The following MALRD1 variants were observed in gnomAD, a reference collection of about 807,000 sequenced individuals.
MALRD1 encodes the protein MAM and LDL receptor class A domain containing 1.
In MALRD1, 247 loss-of-function variants were observed where a neutral mutation model predicts 242.1. The observed-to-expected ratio is 1.02, with a 90% confidence interval of 0.92 to 1.13. The LOEUF is 1.13. Among genes scored for constraint, MALRD1 ranks in the 50% most tolerant of loss-of-function variants. MALRD1 has a pLI of 0.00. For missense variants in MALRD1, 2,989 were observed against 2,533.1 expected (o/e 1.18, Z -3.86); for synonymous variants, 995 against 866.6 (o/e 1.15, Z -2.60).
intron 36 of MALRD1, among the ~76,000 whole-genome samples, chr10:19,661,941 G>C (rs1841459522): frequency 6.6e-6 from 1 of 151,986 alleles, no homozygotes; most frequent in Admixed American, 6.6e-5. Flanking sequence ...ACACCTAGAT[G>C]AACAAAATAA....
At chr10:19,719,650 G>C (rs1834648366) in intron 38 of MALRD1, among the ~76,000 whole-genome samples, 1 of 152,088 alleles carries the variant, frequency 6.6e-6, no homozygotes, top group Non-Finnish European at 1.5e-5. Context: ...CTTTTCCTCT[G>C]CGTTTTGTGG....
chr10:19,377,621 T>G lies in MALRD1; in HGVS notation c.4442-9907T>G, dbSNP rs1050980131. On this transcript the variant is annotated intron_variant, in intron 26 of 39. Coordinates refer to ENST00000454679, the MANE Select transcript of MALRD1 (RefSeq NM_001142308.3). ...AAGCATGACTAACAACTGAAAAGTATAAGTCTCAGTCATAATTATTTTTTT... is the reference window on the plus strand; with the variant it reads ...AAGCATGACTAACAACTGAAAAGTAGAAGTCTCAGTCATAATTATTTTTTT... 5.6e-5 allele frequency among the ~76,000 whole-genome samples: 8 copies of G among 142,342 alleles called. 1 individual carries two copies. Among genetic ancestry groups the G allele is most frequent in the African/African-American group, 2.1e-4 (8 of 37,730 alleles). 93.4% of individuals were successfully genotyped at this position (142,342 alleles called of 152,430 possible). A position where few individuals can be genotyped will look rare whatever the true frequency, so the allele number is the denominator to read the frequency against.
rs1187831586 is a variant in MALRD1, at chr10:19,204,916, G to C, written c.2229G>C (p.Leu743=). The part of the protein sequence containing the change: ...ILSFWFYNYG[L]SVGAAELQLH... ...TTTTTAGGTTCTATAACTATGGCCT[G>C]TCAGTGGGAGCAGCTGAGCTGCAGC... Residue 743 remains leucine (L), a synonymous_variant, in exon 17 of 40, where the codon CTG becomes CTC. Coordinates refer to ENST00000454679, the MANE Select transcript of MALRD1 (RefSeq NM_001142308.3). 13 of 1,548,756 alleles carry C rather than the reference G, an allele frequency of 8.4e-6. No homozygotes were observed. Among genetic ancestry groups the C allele is most frequent in the Non-Finnish European group, 1.1e-5 (13 of 1,145,546 alleles).
chr10:19,390,820 G>T (rs1341627985), intron 28 of MALRD1, among the ~76,000 whole-genome samples: 1 of 152,138 alleles, frequency 6.6e-6, no homozygotes, highest in Non-Finnish European at 1.5e-5. Flanking sequence ...TTATAACTTA[G>T]AACTCTTCTA....
At chr10:19,218,736 C>T (rs57747265) in intron 18 of MALRD1, among the ~76,000 whole-genome samples, 9,635 of 152,086 alleles carry the variant, frequency 0.063, 340 homozygotes, top group African/African-American at 0.087. Flanking sequence ...TTGAGATTTC[C>T]GTGTTCTGAA....
At chr10:19,293,089 C>T (rs1362857252) in intron 21 of MALRD1, among the ~76,000 whole-genome samples, 2 of 152,028 alleles carry the variant, frequency 1.3e-5, no homozygotes, top group Admixed American at 1.3e-4. Flanking sequence ...ATTGCCTTCT[C>T]TGGTAAGAAG....
chr10:19,478,118 C>T (rs2131166121), intron 29 of MALRD1, among the ~76,000 whole-genome samples: 1 of 152,322 alleles, frequency 6.6e-6, no homozygotes, highest in South Asian at 2.1e-4. Context: ...CTGGCCCTAA[C>T]ATTTTCAAAC....
At chr10:19,653,205 A>ATT (rs71507289) in intron 36 of MALRD1, among the ~76,000 whole-genome samples, 3 of 150,258 alleles carry the variant, frequency 2.0e-5, no homozygotes, top group Admixed American at 6.6e-5. Flanking sequence ...TATTATTATT[A>ATT]TTTTTTTTTG....
At chr10:19,055,835 T>G (rs978203939) in intron 1 of MALRD1, among the ~76,000 whole-genome samples, 1 of 152,098 alleles carries the variant, frequency 6.6e-6, no homozygotes, top group Non-Finnish European at 1.5e-5. Flanking sequence ...CAACAGACAC[T>G]GGGGACTACT....
chr10:19,650,764 C>T (rs1840842338), intron 36 of MALRD1, among the ~76,000 whole-genome samples: 1 of 152,150 alleles, frequency 6.6e-6, no homozygotes, highest in African/African-American at 2.4e-5. Context: ...CTTAACATTC[C>T]AGATTTCCAA....
chr10:19,246,823 A>G (rs2131768849), intron 18 of MALRD1, among the ~76,000 whole-genome samples: 1 of 152,270 alleles, frequency 6.6e-6, no homozygotes, highest in African/African-American at 2.4e-5. Context: ...TTCTATATGT[A>G]CAAAAATATG....
At position 19,491,536 on chromosome 10, in the gene MALRD1, T is replaced by G. The variant is rs1308049544; in HGVS notation, c.5049T>G (p.Leu1683=). The G allele has an allele frequency of 6.5e-7, 1 of 1,550,096 alleles. No individual in the cohort carries two copies. Among genetic ancestry groups the G allele is most frequent in the Non-Finnish European group, 8.7e-7 (1 of 1,146,806 alleles). The part of the protein sequence containing the change: ...NCTTVGEISE[L]CPEITDFLCR... ...CCCTAGTGGGAGAGATCTCTGAGCT[T>G]TGTCCGGAAATCACTGATTTTTTGT... is the stretch of plus-strand genomic sequence containing the variant. The change falls in exon 30 of 40, where the codon CTT becomes CTG. Residue 1683 remains leucine, a synonymous_variant. Transcript: ENST00000454679.
intron 36 of MALRD1, among the ~76,000 whole-genome samples, chr10:19,660,609 G>A (rs1051079538): frequency 6.6e-5 from 10 of 152,046 alleles, no homozygotes; most frequent in Admixed American, 2.0e-4. Flanking sequence ...GTTTTATTTT[G>A]ACTTGACTTG....
At chr10:19,199,296 A>G (rs993526866) in intron 14 of MALRD1, among the ~76,000 whole-genome samples, 45 of 152,202 alleles carry the variant, frequency 3.0e-4, no homozygotes, top group African/African-American at 1.1e-3. Context: ...ATTTTGTATC[A>G]TCTTCCATTA....
At chr10:19,590,362 A>G (rs966839600) in intron 33 of MALRD1, among the ~76,000 whole-genome samples, 10 of 147,952 alleles carry the variant, frequency 6.8e-5, no homozygotes, top group African/African-American at 2.0e-4. Context: ...TAATATATGT[A>G]TATGTCTATA....
At chr10:19,055,146 AT>A (rs1431934348) in intron 1 of MALRD1, among the ~76,000 whole-genome samples, 4 of 152,178 alleles carry the variant, frequency 2.6e-5, no homozygotes, top group Non-Finnish European at 4.4e-5. Context: ...TTTTCCTAAG[AT>A]TAGTAATACT....
chr10:19,253,176 G>A (rs1219759521), intron 18 of MALRD1, among the ~76,000 whole-genome samples: 1 of 151,950 alleles, frequency 6.6e-6, no homozygotes, highest in Non-Finnish European at 1.5e-5. Context: ...TCATTAAGAA[G>A]TATAAGAGAG....
At chr10:19,191,263 A>G (rs979259666) in intron 14 of MALRD1, among the ~76,000 whole-genome samples, 1 of 152,194 alleles carries the variant, frequency 6.6e-6, no homozygotes. Context: ...ACAATGAGAT[A>G]CCACCTTGCA....
At position 19,622,658 on chromosome 10, in the gene MALRD1, A is replaced by C. The variant is rs548716104; in HGVS notation, c.6137+6735A>C. On this transcript the variant is annotated intron_variant, in intron 36 of 39. Coordinates refer to ENST00000454679, the MANE Select transcript of MALRD1 (RefSeq NM_001142308.3). ...GCTAGTAAAACACTGAAAAAAAAAA[A>C]AACAAACTATGAGAATCTGAGTAGC... Among the ~76,000 whole-genome samples, 19 of 149,784 alleles carry C rather than the reference A, an allele frequency of 1.3e-4. No individual in the cohort carries two copies. In the East Asian group the frequency reaches 2.3e-3, roughly 18 times the overall value.
Sources: gnomAD v4.1 joint callset for allele counts (sites outside exome capture counted in the v4.1 genomes callset) on GRCh38, gnomAD v4.1.1 for gene constraint, MANE v1.5 for transcripts, NCBI Gene and HGNC (gene_info 2026-07-23, HGNC 2026-07-21) for gene names.